CACNB2: variants seen among roughly 807,000 people sequenced by gnomAD.
CACNB2 encodes the protein voltage-dependent L-type calcium channel subunit beta-2.
A neutral mutation model predicts 73.3 loss-of-function variants in CACNB2; 42 were observed. The ratio of observed to expected loss-of-function variants is 0.57; its 90% CI spans 0.45 to 0.74. The LOEUF (loss-of-function observed/expected upper bound fraction) is 0.74. Among genes scored for constraint, CACNB2 ranks in the 30% least tolerant of loss-of-function variants. The probability of loss-of-function intolerance (pLI) is 0.00; values close to 1 mark genes in which losing one functional copy is unlikely to be tolerated. For missense variants in CACNB2, 940 were observed against 853.0 expected (o/e 1.10, Z -1.27); for synonymous variants, 348 against 310.3 (o/e 1.12, Z -1.28).
chr10:18,255,481 A>T (rs1329085999), intron 2 of CACNB2, among the ~76,000 whole-genome samples: 2 of 152,120 alleles, frequency 1.3e-5, no homozygotes, highest in Non-Finnish European at 2.9e-5. Flanking sequence ...TTCTATGCTT[A>T]TGTGATTATT....
At chr10:18,442,694 A>G (rs1444488473) in intron 3 of CACNB2, among the ~76,000 whole-genome samples, 1 of 150,882 alleles carries the variant, frequency 6.6e-6, no homozygotes, top group East Asian at 2.0e-4. Flanking sequence ...GCGTGGTGGC[A>G]CGTGCCTGTA....
At chr10:18,417,441 T>C (rs1321310642) in intron 3 of CACNB2, among the ~76,000 whole-genome samples, 7 of 142,668 alleles carry the variant, frequency 4.9e-5, no homozygotes, top group African/African-American at 1.6e-4. Flanking sequence ...CGATCTCGGC[T>C]CACTGCATCC....
intron 2 of CACNB2, among the ~76,000 whole-genome samples, chr10:18,190,387 G>C (rs900729158): frequency 2.6e-5 from 4 of 152,124 alleles, no homozygotes; most frequent in Non-Finnish European, 4.4e-5. Context: ...CACCTGTCAT[G>C]TATTCTCCAC....
At chr10:18,336,478 G>T (rs1351555621) in intron 2 of CACNB2, among the ~76,000 whole-genome samples, 1 of 152,170 alleles carries the variant, frequency 6.6e-6, no homozygotes, top group Non-Finnish European at 1.5e-5. Flanking sequence ...AATTAGCCAG[G>T]TGTAATGGCG....
chr10:18,342,780 C>G (rs1372599111), intron 2 of CACNB2, among the ~76,000 whole-genome samples: 1 of 151,914 alleles, frequency 6.6e-6, no homozygotes, highest in Non-Finnish European at 1.5e-5. Context: ...GAAATTCTTT[C>G]AAGTTTGGAC....
At chr10:18,307,342 G>A (rs540779404) in intron 2 of CACNB2, among the ~76,000 whole-genome samples, 1 of 152,170 alleles carries the variant, frequency 6.6e-6, no homozygotes, top group Non-Finnish European at 1.5e-5. Flanking sequence ...CACGCCTGTA[G>A]TCCCAGCTAC....
At chr10:18,517,827 T>C (rs1285386443) in intron 7 of CACNB2, among the ~76,000 whole-genome samples, 1 of 152,108 alleles carries the variant, frequency 6.6e-6, no homozygotes, top group Non-Finnish European at 1.5e-5. Flanking sequence ...GTAAAAAGTA[T>C]TGGTAGTGAG....
rs1445648627 is a variant in CACNB2 at position 18,199,981 on chromosome 10, GTGTC to G, written c.213+49010_213+49013del. Among the ~76,000 whole-genome samples the G allele has an allele frequency of 8.9e-3, 1,273 of 142,792 alleles. 30 individuals carry two copies. Among genetic ancestry groups the G allele is most frequent in the African/African-American group, 0.036 (1,208 of 33,214 alleles). The allele number at this position is 142,792 out of a possible 152,430, so 93.7% of individuals were successfully genotyped here. On this transcript the variant is annotated intron_variant, in intron 2 of 13. Coordinates refer to ENST00000324631, the MANE Select transcript of CACNB2 (RefSeq NM_201596.3). ...TGTGTGTGTGTGTGTGTGTGTGTGT[GTGTC>G]TGTATTGTTGTAAACAAAGATGAGC...
intron 2 of CACNB2, among the ~76,000 whole-genome samples, chr10:18,325,068 G>T (rs2040529707): frequency 1.3e-5 from 2 of 152,196 alleles, no homozygotes; most frequent in Non-Finnish European, 2.9e-5. Context: ...TGGAACAAGG[G>T]ACACCACATT....
chr10:18,539,672 A>T lies in CACNB2; in HGVS notation c.1931A>T (p.Lys644Ile). 6.2e-7 allele frequency: 1 copy of T among 1,613,516 alleles called. No homozygotes were observed. The highest frequency in any genetic ancestry group is 8.5e-7 in the Non-Finnish European group (1 of 1,179,868). ...GAAAAGGATGGAGAAGTGATATCAAAAAAACGGAATGAGGCTGGGGAGTGG... is the reference window on the plus strand; with the variant it reads ...GAAAAGGATGGAGAAGTGATATCAATAAAACGGAATGAGGCTGGGGAGTGG... ...YCEKDGEVIS[K>I]KRNEAGEWNR... The change falls in exon 14 of 14, where the codon AAA (lysine) becomes ATA (isoleucine). Residue 644 changes from lysine (K) to isoleucine (I), a missense_variant. Physicochemically the swap from Lys to Ile is moderately radical, Grantham distance 102. Coordinates refer to ENST00000324631, the MANE Select transcript of CACNB2 (RefSeq NM_201596.3).
intron 2 of CACNB2, among the ~76,000 whole-genome samples, chr10:18,244,243 T>C (rs1366326303): frequency 6.6e-6 from 1 of 152,190 alleles, no homozygotes; most frequent in Non-Finnish European, 1.5e-5. Context: ...AAGAGTTCAT[T>C]CTGGAACCAC....
chr10:18,393,980 T>TG (rs2043599842), intron 2 of CACNB2, among the ~76,000 whole-genome samples: 1 of 152,188 alleles, frequency 6.6e-6, no homozygotes, highest in Non-Finnish European at 1.5e-5. Flanking sequence ...CTCACTCTGT[T>TG]GCCAGGCTGA....
chr10:18,503,756 T>C (rs2050336668), intron 5 of CACNB2, among the ~76,000 whole-genome samples: 1 of 152,220 alleles, frequency 6.6e-6, no homozygotes, highest in African/African-American at 2.4e-5. Flanking sequence ...CAGAATTTTC[T>C]TGTCAAATGA....
rs1160311116 is a variant in CACNB2, at chr10:18,518,409, G to T, written c.878G>T (p.Gly293Val). Residue 293 changes from glycine (G) to valine (V), a missense_variant, in exon 8 of 14, where the codon GGC (glycine) becomes GTC (valine). Physicochemically the swap from Gly to Val is moderately radical, Grantham distance 109 (BLOSUM62 -3). Coordinates refer to ENST00000324631, the MANE Select transcript of CACNB2 (RefSeq NM_201596.3). ...PVVLVGPSLK[G>V]YEVTDMMQKA... ...GTCCTAGTGGGCCCTTCTCTGAAGGGCTACGAGGTGGGTAGCAGCCTTCCA... is the reference window on the plus strand; with the variant it reads ...GTCCTAGTGGGCCCTTCTCTGAAGGTCTACGAGGTGGGTAGCAGCCTTCCA... 6.2e-7 allele frequency: 1 copy of T among 1,606,674 alleles called. No individual in the cohort carries two copies. Among genetic ancestry groups the T allele is most frequent in the East Asian group, 2.2e-5 (1 of 44,834 alleles).
chr10:18,259,603 C>T (rs2037443560), intron 2 of CACNB2, among the ~76,000 whole-genome samples: 1 of 148,650 alleles, frequency 6.7e-6, no homozygotes, highest in South Asian at 2.1e-4. Flanking sequence ...TGGTGGTGCA[C>T]ACCTGTAGTC....
At chr10:18,363,357 G>C (rs2042219217) in intron 2 of CACNB2, among the ~76,000 whole-genome samples, 1 of 152,188 alleles carries the variant, frequency 6.6e-6, no homozygotes, top group Non-Finnish European at 1.5e-5. Flanking sequence ...CTACTCACTT[G>C]AGGATGTCTT....
At chr10:18,358,497 G>GCCCTCTCTCTCTCTCT (rs2042010154) in intron 2 of CACNB2, among the ~76,000 whole-genome samples, 1 of 104,284 alleles carries the variant, frequency 9.6e-6, no homozygotes, top group African/African-American at 3.8e-5. Flanking sequence ...TAATGAGCAC[G>GCCCTCTCTCTCTCTCT]CTCTCTCTCT....
Position 18,539,555 on chromosome 10 carries a change from C to G in CACNB2, c.1814C>G (p.Ser605Cys), listed in dbSNP as rs548428286. ...HGSSDHRHRE[S>C]RHRSRDVDRE... ...AGCAGTGACCACAGACACAGGGAGT[C>G]CCGGCACCGTTCCCGGGACGTGGAT... The change falls in exon 14 of 14, where the codon TCC becomes TGC. Residue 605 changes from serine to cysteine, a missense_variant. Physicochemically the swap from Ser to Cys is moderately radical, Grantham distance 112. Coordinates refer to ENST00000324631, the MANE Select transcript of CACNB2 (RefSeq NM_201596.3). The G allele has an allele frequency of 5.0e-6, 8 of 1,613,506 alleles. No homozygotes were observed. The African/African-American group carries it at 8.0e-5, about 16-fold the overall frequency.
intron 2 of CACNB2, among the ~76,000 whole-genome samples, chr10:18,221,755 T>G (rs2035801233): frequency 6.6e-6 from 1 of 152,238 alleles, no homozygotes; most frequent in Admixed American, 6.5e-5. Flanking sequence ...ATAAATTCAT[T>G]GCAAAAGAAG....
Sources: gnomAD v4.1 joint callset for allele counts (sites outside exome capture counted in the v4.1 genomes callset) on GRCh38, gnomAD v4.1.1 for gene constraint, MANE v1.5 for transcripts, NCBI Gene and HGNC (gene_info 2026-07-23, HGNC 2026-07-21) for gene names.